TAPT1: variants seen among roughly 807,000 people sequenced by gnomAD.
The protein encoded by TAPT1 is transmembrane anterior posterior transformation protein 1 homolog.
TAPT1 carries 28 observed loss-of-function variants against 65.6 expected under a neutral mutation model. The observed-to-expected ratio is 0.43, with a 90% CI of 0.32 to 0.59. The LOEUF (loss-of-function observed/expected upper bound fraction) is 0.59, where lower values mean the gene tolerates loss of function less well. Ranked by LOEUF, TAPT1 falls within the 20% of genes least tolerant of loss-of-function variation. The pLI, the probability that TAPT1 is intolerant of heterozygous loss-of-function variation, is 0.09. For synonymous variants in TAPT1, 278 were observed against 245.2 expected, an observed-to-expected ratio of 1.13 and a Z score of -1.25; for missense variants, 563 against 679.9, an observed-to-expected ratio of 0.83 and a Z score of 1.91.
At chr4:16,168,316 C>A (rs1267222991) in intron 12 of TAPT1, among the ~76,000 whole-genome samples, 1 of 152,102 alleles carries the variant, frequency 6.6e-6, no homozygotes. Context: ...TGCTATGTTG[C>A]CCAGGCTGGT....
At chr4:16,187,904 A>G (rs1475596015) in intron 5 of TAPT1, among the ~76,000 whole-genome samples, 1 of 152,210 alleles carries the variant, frequency 6.6e-6, no homozygotes, top group Non-Finnish European at 1.5e-5. Flanking sequence ...TAACATAAGT[A>G]CGAAAAATTA....
intron 13 of TAPT1, among the ~76,000 whole-genome samples, chr4:16,165,304 C>T (rs1747527132): frequency 6.6e-6 from 1 of 152,156 alleles, no homozygotes; most frequent in Non-Finnish European, 1.5e-5. Context: ...GGCATGGTGG[C>T]TCATGCCTGT....
intron 7 of TAPT1, among the ~76,000 whole-genome samples, chr4:16,181,640 T>C (rs1748717284): frequency 6.6e-6 from 1 of 152,224 alleles, no homozygotes; most frequent in African/African-American, 2.4e-5. Flanking sequence ...TCTCCCAGGC[T>C]GGATGCAGCC....
intron 2 of TAPT1, among the ~76,000 whole-genome samples, chr4:16,207,901 G>A (rs1386829765): frequency 1.3e-5 from 2 of 152,174 alleles, no homozygotes; most frequent in Non-Finnish European, 2.9e-5. Flanking sequence ...TAGCTATAAT[G>A]TACAAGGCAT....
intron 1 of TAPT1, among the ~76,000 whole-genome samples, chr4:16,225,168 T>A (rs1029435568): frequency 1.3e-5 from 2 of 152,046 alleles, no homozygotes; most frequent in Non-Finnish European, 2.9e-5. Context: ...CGTCTGTAAT[T>A]TTCCAAAAAT....
intron 13 of TAPT1, 26 bp downstream of exon 13, chr4:16,166,607 G>T: frequency 1.9e-6 from 3 of 1,608,148 alleles, no homozygotes; most frequent in Non-Finnish European, 2.6e-6. Flanking sequence ...ATGATCCAGG[G>T]AAGTGAAGAA....
chr4:16,183,327 A>C (rs1748824437), intron 7 of TAPT1, among the ~76,000 whole-genome samples: 1 of 152,056 alleles, frequency 6.6e-6, no homozygotes, highest in South Asian at 2.1e-4. Flanking sequence ...TTTTGGTGCT[A>C]AGTAGTAACC....
chr4:16,213,180 G>A (rs1750743147), intron 2 of TAPT1, among the ~76,000 whole-genome samples: 1 of 152,330 alleles, frequency 6.6e-6, no homozygotes, highest in Admixed American at 6.5e-5. Context: ...TAGGGGAGAA[G>A]GGGCTGCTTT....
At chr4:16,164,218 G>A (rs1014357395) in intron 13 of TAPT1, among the ~76,000 whole-genome samples, 3 of 152,156 alleles carry the variant, frequency 2.0e-5, no homozygotes, top group Non-Finnish European at 4.4e-5. Context: ...GTTCTGACAT[G>A]TGCATACACC....
chr4:16,226,416 G>C lies in TAPT1; in HGVS notation c.42C>G (p.Gly14=), dbSNP rs1255783954. 2.8e-5 allele frequency: 30 copies of C among 1,087,118 alleles called. No homozygotes were observed. The highest frequency in any genetic ancestry group is 3.3e-5 in the Non-Finnish European group (30 of 896,772). The allele number at this position is 1,087,118 out of a possible 1,614,324, so 67.3% of individuals were successfully genotyped here. ...VGDAAAPGEG[G]GGGVDGPQRD... is the part of the protein sequence containing the mutation. ...GCTGCGGGCCGTCCACGCCGCCACC[G>C]CCGCCTTCTCCCGGAGCGGCCGCGT... The change falls in exon 1 of 14, where the codon GGC becomes GGG. Residue 14 remains glycine, a synonymous_variant. Coordinates refer to ENST00000405303, the MANE Select transcript of TAPT1 (RefSeq NM_153365.3).
At chr4:16,171,309 A>G (rs1358719189) in intron 11 of TAPT1, among the ~76,000 whole-genome samples, 1 of 152,186 alleles carries the variant, frequency 6.6e-6, no homozygotes, top group Non-Finnish European at 1.5e-5. Context: ...ACATTGAAAC[A>G]GTTCTCTCTT....
Position 16,195,970 on chromosome 4 carries a change from T to C in TAPT1, c.450-4447A>G, listed in dbSNP as rs1176039063. Among the ~76,000 whole-genome samples, 4 of 152,342 alleles carry C rather than the reference T, an allele frequency of 2.6e-5. No individual in the cohort carries two copies. The South Asian group carries it at 6.2e-4, about 24-fold the overall frequency. Reference sequence around the variant, plus strand: ...CAGAGTATTAGCATGAGTTATTTCATTACAAAATACATAGACTAGATCTCT... The same window carrying C: ...CAGAGTATTAGCATGAGTTATTTCACTACAAAATACATAGACTAGATCTCT... On this transcript the variant is annotated intron_variant, in intron 3 of 13. Coordinates refer to ENST00000405303, the MANE Select transcript of TAPT1 (RefSeq NM_153365.3).
chr4:16,218,272 G>A (rs1221180884), intron 1 of TAPT1, among the ~76,000 whole-genome samples: 2 of 152,122 alleles, frequency 1.3e-5, no homozygotes, highest in Admixed American at 1.3e-4. Flanking sequence ...AGGTGTGGTG[G>A]CAGGTGCCTG....
At chr4:16,226,530 G>C, upstream of TAPT1, 1 of 911,830 alleles carries the variant, frequency 1.1e-6, no homozygotes, top group South Asian at 5.0e-5. Flanking sequence ...TCCCCGCCTC[G>C]CCCCGCCCCT....
chr4:16,171,980 A>C (rs577798601), intron 11 of TAPT1, among the ~76,000 whole-genome samples: 2 of 152,278 alleles, frequency 1.3e-5, no homozygotes, highest in African/African-American at 2.4e-5. Flanking sequence ...TAAAGAATTA[A>C]CTTGTCACAG....
chr4:16,164,635 T>A lies in TAPT1; in HGVS notation c.1475-1098A>T, dbSNP rs530440682. On this transcript the variant is annotated intron_variant, in intron 13 of 13. Coordinates refer to ENST00000405303, the MANE Select transcript of TAPT1 (RefSeq NM_153365.3). ...TTTGTAGAGATGGGACTCACTAGGTTGCCCAGGCTGGTCTCGAACTCCTGG... is the reference window on the plus strand; with the variant it reads ...TTTGTAGAGATGGGACTCACTAGGTAGCCCAGGCTGGTCTCGAACTCCTGG... Among the ~76,000 whole-genome samples, 3 of 152,330 alleles carry A rather than the reference T, an allele frequency of 2.0e-5. No homozygotes were observed. In the South Asian group the frequency reaches 6.2e-4, roughly 32 times the overall value.
intron 3 of TAPT1, chr4:16,196,732 C>T (rs1375306832): frequency 9.4e-6 from 12 of 1,279,438 alleles, no homozygotes; most frequent in Middle Eastern, 2.1e-4. Flanking sequence ...GTCTGATTTA[C>T]GAGAGAGAAA....
intron 2 of TAPT1, among the ~76,000 whole-genome samples, chr4:16,211,164 G>A (rs762526833): frequency 2.0e-4 from 30 of 151,248 alleles, no homozygotes; most frequent in African/African-American, 3.2e-4. Context: ...AGCAAAGTGC[G>A]CTTTAATTTT....
intron 13 of TAPT1, 32 bp from the exon 14 acceptor site, chr4:16,163,569 A>G (rs1027418557): frequency 6.6e-7 from 1 of 1,516,498 alleles, no homozygotes; most frequent in African/African-American, 1.4e-5. Flanking sequence ...AAATTAGAGA[A>G]AGACTTTTCT....
Sources: gnomAD v4.1 joint callset for allele counts (sites outside exome capture counted in the v4.1 genomes callset) on GRCh38, gnomAD v4.1.1 for gene constraint, MANE v1.5 for transcripts, NCBI Gene and HGNC (gene_info 2026-07-23, HGNC 2026-07-21) for gene names.